The following FBXO27 variants were observed in gnomAD, a reference collection of about 807,000 sequenced individuals.
The protein encoded by FBXO27 is F-box protein 27.
A neutral mutation model predicts 28.3 loss-of-function variants in FBXO27; 28 were observed. That is an observed-to-expected ratio of 0.99 (90% CI 0.73 to 1.36). The LOEUF (loss-of-function observed/expected upper bound fraction) is 1.36. Ranked by LOEUF, FBXO27 falls within the 40% of genes most tolerant of loss-of-function variation. FBXO27 has a pLI of 0.00. For missense variants in FBXO27, 388 were observed against 394.1 expected (o/e 0.98, Z 0.13); for synonymous variants, 175 against 167.3 (o/e 1.05, Z -0.36).
intron 4 of FBXO27, among the ~76,000 whole-genome samples, chr19:39,027,315 C>T (rs1022764767): frequency 1.3e-5 from 2 of 152,108 alleles, no homozygotes; most frequent in African/African-American, 4.8e-5. Context: ...AGTCAGGGAA[C>T]GTCAGTTGAC....
chr19:39,025,083 G>C lies in FBXO27; in HGVS notation c.*328C>G, dbSNP rs937686732. ...CAGAGGGGCCTGGGGCTGGATCGGAGGGTTTTGGTTGGGAGGAGAAGAGAG... is the reference window on the plus strand; with the variant it reads ...CAGAGGGGCCTGGGGCTGGATCGGACGGTTTTGGTTGGGAGGAGAAGAGAG... On this transcript the variant is annotated 3_prime_UTR_variant, in exon 6 of 6. Coordinates refer to ENST00000292853, the MANE Select transcript of FBXO27 (RefSeq NM_178820.5). The C allele has an allele frequency of 3.3e-5, 9 of 268,952 alleles. No homozygotes were observed. The allele number at this position is 268,952 out of a possible 1,614,324, so 16.7% of individuals were successfully genotyped here.
At chr19:39,014,630 G>T (rs2144885266) in intron 1 of FBXO27, 1 of 153,906 alleles carries the variant, frequency 6.5e-6, no homozygotes, top group African/African-American at 2.4e-5. Flanking sequence ...GGAGGCCGAG[G>T]TGGGAGGATC....
rs2072907249 is a variant in FBXO27 at position 39,031,922 on chromosome 19, G to A, written c.306C>T (p.Gly102=). ...PARNARPCPL[G]RFCARRPIGR... ...CGATGGGTCTGCGCGCGCAGAAGCGGCCCAGGGGGCAAGGCCTGGCGTTAC... is the reference window on the plus strand; with the variant it reads ...CGATGGGTCTGCGCGCGCAGAAGCGACCCAGGGGGCAAGGCCTGGCGTTAC... Residue 102 remains glycine (G), a synonymous_variant, in exon 2 of 6, where the codon GGC becomes GGT. Transcript: ENST00000292853. 2 of 1,510,632 alleles carry A rather than the reference G, an allele frequency of 1.3e-6. No individual in the cohort carries two copies. 93.6% of individuals were successfully genotyped at this position (1,510,632 alleles called of 1,614,324 possible).
intron 1 of FBXO27, among the ~76,000 whole-genome samples, chr19:39,015,010 T>C (rs1204644867): frequency 8.7e-6 from 1 of 114,628 alleles, no homozygotes; most frequent in Non-Finnish European, 1.8e-5. Context: ...AGAGCAAGAC[T>C]CTGTCTCAAA....
At chr19:39,020,211 G>A (rs2072838834), downstream of FBXO27, among the ~76,000 whole-genome samples, 2 of 152,070 alleles carry the variant, frequency 1.3e-5, no homozygotes, top group South Asian at 4.2e-4. Flanking sequence ...TGATGAGGCT[G>A]CCCTTACACA....
downstream of FBXO27, among the ~76,000 whole-genome samples, chr19:39,022,063 A>G: frequency 6.6e-6 from 1 of 151,854 alleles, no homozygotes; most frequent in East Asian, 1.9e-4. Context: ...TCACGGATTC[A>G]ACATGGTACT....
chr19:39,029,042 TAAA>T (rs1249127334), intron 4 of FBXO27, among the ~76,000 whole-genome samples: 13 of 91,916 alleles, frequency 1.4e-4, no homozygotes, highest in African/African-American at 8.5e-5. Context: ...ACTCTGTCTC[TAAA>T]AAAAAAAAAA....
chr19:39,032,298 G>C lies in FBXO27; in HGVS notation c.-26-45C>G. The C allele has an allele frequency of 2.2e-6, 3 of 1,372,296 alleles. No homozygotes were observed. Among genetic ancestry groups the C allele is most frequent in the Non-Finnish European group, 2.8e-6 (3 of 1,075,274 alleles). The allele number at this position is 1,372,296 out of a possible 1,614,324, so 85.0% of individuals were successfully genotyped here. Reference sequence around the variant, plus strand: ...AAGGCGTCAGGGACCAGCAGCCTCCGCGGCGCGCAGCCTCTGCCTGCCCTG... The same window carrying C: ...AAGGCGTCAGGGACCAGCAGCCTCCCCGGCGCGCAGCCTCTGCCTGCCCTG... On this transcript the variant is annotated intron_variant, in intron 1 of 5. Transcript: ENST00000292853. This position sits in a 1 kb window ranked among gnomAD's most constrained non-coding sequence, Gnocchi z 4.7.
In FBXO27 at chr19:39,032,488, C is replaced by T. The variant is rs997795990; in HGVS notation, c.-27+15G>A. Reference sequence around the variant, plus strand: ...CCCCTCGGCGGCCGCACCGACACCGCACCCCAAGTCCTACCCCGGGGCCTG... The same window carrying T: ...CCCCTCGGCGGCCGCACCGACACCGTACCCCAAGTCCTACCCCGGGGCCTG... On this transcript the variant is annotated intron_variant, in intron 1 of 5. Transcript: ENST00000292853. This position sits in a 1 kb window ranked among gnomAD's most constrained non-coding sequence, Gnocchi z 4.7. 2 of 448,218 alleles carry T rather than the reference C, an allele frequency of 4.5e-6. No homozygotes were observed. Among genetic ancestry groups the T allele is most frequent in the Non-Finnish European group, 7.6e-6 (2 of 262,004 alleles). The allele number at this position is 448,218 out of a possible 1,614,324, so 27.8% of individuals were successfully genotyped here.
downstream of FBXO27, among the ~76,000 whole-genome samples, chr19:39,023,601 G>A (rs2072855959): frequency 6.9e-6 from 1 of 144,196 alleles, no homozygotes; most frequent in African/African-American, 2.6e-5. Flanking sequence ...TCTAGAGGCT[G>A]GACCTATTGT....
intron 1 of FBXO27, among the ~76,000 whole-genome samples, chr19:39,018,007 G>C (rs2072827641): frequency 6.6e-6 from 1 of 152,040 alleles, no homozygotes; most frequent in Non-Finnish European, 1.5e-5. Context: ...TCGTGATGGA[G>C]TTTCACTCTT....
intron 2 of FBXO27, among the ~76,000 whole-genome samples, chr19:39,007,094 T>C (rs1158966517): frequency 3.2e-5 from 4 of 123,858 alleles, no homozygotes; most frequent in African/African-American, 1.2e-4. Flanking sequence ...AAAAGTACAA[T>C]CCCAGAGGGC....
chr19:39,031,405 G>T, intron 2 of FBXO27, 85 bp from the exon 3 acceptor site: 4 of 1,174,020 alleles, frequency 3.4e-6, no homozygotes, highest in Non-Finnish European at 4.9e-6. Flanking sequence ...CCCCTCCCAC[G>T]TGCTCACAGT....
At chr19:39,020,509 C>A (rs1244694204), downstream of FBXO27, among the ~76,000 whole-genome samples, 1 of 151,894 alleles carries the variant, frequency 6.6e-6, no homozygotes, top group African/African-American at 2.4e-5. Context: ...ACCTTTAAGG[C>A]TCATTACACA....
downstream of FBXO27, among the ~76,000 whole-genome samples, chr19:39,022,627 T>C (rs1389905692): frequency 2.0e-5 from 3 of 151,884 alleles, no homozygotes; most frequent in African/African-American, 2.4e-5. Context: ...TTTTGTTTGT[T>C]TGTCTGTTTT....
At chr19:39,018,228 C>T in intron 1 of FBXO27, among the ~76,000 whole-genome samples, 1 of 152,114 alleles carries the variant, frequency 6.6e-6, no homozygotes, top group East Asian at 1.9e-4. Context: ...TGCATGGTAC[C>T]ATTTGCAGTT....
chr19:39,009,811 GTTGT>G (rs1461820260), intron 2 of FBXO27, among the ~76,000 whole-genome samples: 113 of 151,672 alleles, frequency 7.5e-4, no homozygotes, highest in African/African-American at 2.5e-3. Context: ...TTTTGTTGTT[GTTGT>G]TTGTTTGTTT....
At chr19:39,012,732 C>A (rs773437957) in intron 2 of FBXO27, among the ~76,000 whole-genome samples, 1 of 151,572 alleles carries the variant, frequency 6.6e-6, no homozygotes, top group African/African-American at 2.4e-5. Context: ...CCGAGGAGGC[C>A]GGATCACCTG....
At chr19:39,007,368 G>A (rs1226828763) in intron 2 of FBXO27, among the ~76,000 whole-genome samples, 1 of 152,206 alleles carries the variant, frequency 6.6e-6, no homozygotes, top group Non-Finnish European at 1.5e-5. Flanking sequence ...CCAGCTGGGC[G>A]TTCTGGTGGA....
Sources: gnomAD v4.1 joint callset for allele counts (sites outside exome capture counted in the v4.1 genomes callset) on GRCh38, gnomAD v4.1.1 for gene constraint, Gnocchi (gnomAD v3.1) non-coding constraint, MANE v1.5 for transcripts, NCBI Gene and HGNC (gene_info 2026-07-23, HGNC 2026-07-21) for gene names.